Variants in AKR1C3 observed in about 807,000 individuals in gnomAD.
AKR1C3 encodes the protein 3-alpha hydroxysteroid dehydrogenase, type II.
In AKR1C3, 48 loss-of-function variants were observed where a neutral mutation model predicts 43.6. The observed-to-expected ratio is 1.10, with a 90% CI of 0.87 to 1.40. The LOEUF (loss-of-function observed/expected upper bound fraction) is 1.40, where lower values mean the gene tolerates loss of function less well. AKR1C3 is among the 40% of genes most tolerant of loss of function. The pLI is 0.00. For missense variants in AKR1C3, 482 were observed against 391.2 expected, an observed-to-expected ratio of 1.23 and a Z score of -1.96; for synonymous variants, 162 against 139.6, an observed-to-expected ratio of 1.16 and a Z score of -1.13.
At chr10:5,106,091 G>T (rs900790717) in intron 8 of AKR1C3, among the ~76,000 whole-genome samples, 20 of 152,134 alleles carry the variant, frequency 1.3e-4, no homozygotes, top group African/African-American at 4.6e-4. Flanking sequence ...TCAACTTTGT[G>T]GTCCAGGTGC....
At chr10:5,097,931 ATC>A (rs1163798054) in intron 3 of AKR1C3, 27 of 1,042,108 alleles carry the variant, frequency 2.6e-5, no homozygotes, top group Middle Eastern at 4.6e-4. Flanking sequence ...AGTTTCCACC[ATC>A]TCTCCCCATT....
intron 7 of AKR1C3, among the ~76,000 whole-genome samples, chr10:5,104,824 A>G (rs889068982): frequency 6.6e-6 from 1 of 152,146 alleles, no homozygotes; most frequent in South Asian, 2.1e-4. Context: ...AATTATTAGA[A>G]CCTCTTGATA....
At chr10:5,068,489 A>C (rs559704870) in intron 1 of AKR1C3, among the ~76,000 whole-genome samples, 7 of 142,060 alleles carry the variant, frequency 4.9e-5, no homozygotes, top group East Asian at 4.2e-4. Context: ...TTTAAGCAAA[A>C]ACCCTTTATA....
At chr10:5,067,370 T>C (rs1462298345) in intron 1 of AKR1C3, among the ~76,000 whole-genome samples, 2 of 152,166 alleles carry the variant, frequency 1.3e-5, no homozygotes, top group Non-Finnish European at 2.9e-5. Context: ...CTGGTTAGTT[T>C]TACCTTAAGG....
chr10:5,072,057 G>GT (rs1488100666), intron 1 of AKR1C3, among the ~76,000 whole-genome samples: 17 of 151,826 alleles, frequency 1.1e-4, no homozygotes, highest in South Asian at 4.2e-4. Context: ...AGCAGAATTT[G>GT]TTTTTTTTCT....
In AKR1C3 at chr10:5,094,535, A is replaced by G. The variant is rs1554784882; in HGVS notation, c.84+7A>G. The G allele has an allele frequency of 6.2e-7, 1 of 1,612,394 alleles. No homozygotes were observed. Among genetic ancestry groups the G allele is most frequent in the African/African-American group, 1.3e-5 (1 of 74,964 alleles). On this transcript the variant is annotated splice_region_variant and intron_variant, in intron 1 of 8. Transcript: ENST00000380554. ...CACCTATGCACCTCCAGAGGTAAGAATAATTCCTTTTAGTTTTCGGATTTC... is the reference window on the plus strand; with the variant it reads ...CACCTATGCACCTCCAGAGGTAAGAGTAATTCCTTTTAGTTTTCGGATTTC...
chr10:5,054,310 G>A (rs1431877123), intron 1 of AKR1C3, among the ~76,000 whole-genome samples: 1 of 152,344 alleles, frequency 6.6e-6, no homozygotes, highest in Admixed American at 6.5e-5. Flanking sequence ...GGATAATGAA[G>A]TAGATAAACC....
At chr10:5,096,811 T>C (rs2801883) in intron 2 of AKR1C3, among the ~76,000 whole-genome samples, 69,597 of 151,962 alleles carry the variant, frequency 0.46, 16,865 homozygotes, top group East Asian at 0.86. Context: ...GAGCTTCAGC[T>C]GAGATCAGTG....
rs782744331 is a variant in AKR1C3, at chr10:5,097,641, G to A, written c.369+91G>A. On this transcript the variant is annotated intron_variant, in intron 3 of 8. Transcript: ENST00000380554. ...AGTTGAACAGAGCTTTTTATTAGGAGGATGTAGGGATTATCACACAGAAGA... is the reference window on the plus strand; with the variant it reads ...AGTTGAACAGAGCTTTTTATTAGGAAGATGTAGGGATTATCACACAGAAGA... 9 of 1,597,786 alleles carry A rather than the reference G, an allele frequency of 5.6e-6. No homozygotes were observed. In the African/African-American group the frequency reaches 1.1e-4, roughly 19 times the overall value.
intron 8 of AKR1C3, among the ~76,000 whole-genome samples, chr10:5,106,917 TA>T (rs1179100650): frequency 3.5e-5 from 4 of 114,710 alleles, no homozygotes; most frequent in East Asian, 6.6e-4. Flanking sequence ...GGAAAATAAA[TA>T]AAAAAAGGAA....
At chr10:5,098,322 A>C (rs1839262838) in intron 3 of AKR1C3, 1 of 427,578 alleles carries the variant, frequency 2.3e-6, no homozygotes, top group African/African-American at 2.2e-5. Context: ...GAGCAGCTCA[A>C]GGCTCATGGT....
chr10:5,070,676 A>T (rs1198012802), intron 1 of AKR1C3, among the ~76,000 whole-genome samples: 1 of 152,194 alleles, frequency 6.6e-6, no homozygotes, highest in Non-Finnish European at 1.5e-5. Context: ...ACCATAATAA[A>T]TGGGATTAGT....
chr10:5,062,039 A>G (rs182730800), intron 1 of AKR1C3, among the ~76,000 whole-genome samples: 3 of 152,232 alleles, frequency 2.0e-5, no homozygotes, highest in Admixed American at 6.5e-5. Context: ...TTACAAAGAC[A>G]TGTAATTCTT....
chr10:5,078,034 A>T, intron 1 of AKR1C3: 2 of 660,482 alleles, frequency 3.0e-6, no homozygotes, highest in South Asian at 3.3e-5. Context: ...AAATATGATT[A>T]CTATATTTTG....
chr10:5,052,921 G>T (rs1276357998), intron 1 of AKR1C3, among the ~76,000 whole-genome samples: 1 of 151,956 alleles, frequency 6.6e-6, no homozygotes, highest in Non-Finnish European at 1.5e-5. Context: ...AGACATAAAG[G>T]TTCTCCAAGT....
intron 5 of AKR1C3, among the ~76,000 whole-genome samples, chr10:5,100,968 A>G (rs1202753921): frequency 2.0e-5 from 3 of 152,198 alleles, no homozygotes; most frequent in East Asian, 1.9e-4. Context: ...AAAGATGACA[A>G]TTCACCTCTA....
At chr10:5,099,518 CTGTT>C (rs1402357422) in intron 5 of AKR1C3, 69 bp downstream of exon 5, 23 of 1,605,364 alleles carry the variant, frequency 1.4e-5, no homozygotes, top group Admixed American at 1.0e-4. Context: ...TGCCAAATAT[CTGTT>C]TGTTTTGTCC....
intron 1 of AKR1C3, among the ~76,000 whole-genome samples, chr10:5,064,327 T>G (rs1838449064): frequency 6.6e-6 from 1 of 152,108 alleles, no homozygotes; most frequent in Non-Finnish European, 1.5e-5. Context: ...TAGCTAGCCA[T>G]GTGCAGAAGA....
At chr10:5,095,595 G>GT (rs1424466001) in intron 1 of AKR1C3, among the ~76,000 whole-genome samples, 2 of 151,780 alleles carry the variant, frequency 1.3e-5, no homozygotes, top group Non-Finnish European at 2.9e-5. Flanking sequence ...AATGAAAACA[G>GT]TTTATTTATA....
Sources: gnomAD v4.1 joint callset for allele counts (sites outside exome capture counted in the v4.1 genomes callset) on GRCh38, gnomAD v4.1.1 for gene constraint, MANE v1.5 for transcripts, NCBI Gene and HGNC (gene_info 2026-07-23, HGNC 2026-07-21) for gene names.